Variants in SLC25A46 observed in about 807,000 individuals in gnomAD.
The protein encoded by SLC25A46 is mitochondrial outer membrane protein SLC25A46.
A neutral mutation model predicts 44.6 loss-of-function variants in SLC25A46; 39 were observed. That is an observed-to-expected ratio of 0.87 (90% CI 0.68 to 1.14). The LOEUF (loss-of-function observed/expected upper bound fraction) is 1.14, where lower values mean the gene tolerates loss of function less well. Ranked by LOEUF, SLC25A46 falls within the 50% of genes most tolerant of loss-of-function variation. The probability of loss-of-function intolerance (pLI) is 0.00; values close to 1 mark genes in which losing one functional copy is unlikely to be tolerated. For synonymous variants in SLC25A46, 202 were observed against 185.8 expected (o/e 1.09, Z -0.71); for missense variants, 547 against 522.7 (o/e 1.05, Z -0.45).
chr5:110,761,130 C>T lies in SLC25A46; in HGVS notation c.679-74C>T. On this transcript the variant is annotated intron_variant, in intron 7 of 7. Transcript: ENST00000355943. The surrounding 1 kb of genome is among the most constrained non-coding windows in gnomAD (Gnocchi z 5.3). ...TCACTATGTTAGGATTTAAAAGGAACCTAAAAAGAGTCCTTTTTCTGTGGC... is the reference window on the plus strand; with the variant it reads ...TCACTATGTTAGGATTTAAAAGGAATCTAAAAAGAGTCCTTTTTCTGTGGC... 2 of 1,160,674 alleles carry T rather than the reference C, an allele frequency of 1.7e-6. No individual in the cohort carries two copies. Among genetic ancestry groups the T allele is most frequent in the Non-Finnish European group, 1.2e-6 (1 of 808,926 alleles). The allele number at this position is 1,160,674 out of a possible 1,614,324, so 71.9% of individuals were successfully genotyped here. A position where few individuals can be genotyped will look rare whatever the true frequency, so the allele number is the denominator to read the frequency against.
chr5:110,754,852 C>T (rs559534585), intron 5 of SLC25A46: 2 of 152,306 alleles, frequency 1.3e-5, no homozygotes, highest in South Asian at 2.1e-4. Flanking sequence ...TTATTAATCC[C>T]CTCTGATCCT....
intron 5 of SLC25A46, among the ~76,000 whole-genome samples, chr5:110,749,536 A>G (rs1799908029): frequency 6.6e-6 from 1 of 151,594 alleles, no homozygotes; most frequent in African/African-American, 2.4e-5. Flanking sequence ...TGGGGGAGAT[A>G]ATGAGAGAAA....
intron 5 of SLC25A46, among the ~76,000 whole-genome samples, chr5:110,750,336 T>G (rs965818144): frequency 6.6e-6 from 1 of 152,076 alleles, no homozygotes; most frequent in African/African-American, 2.4e-5. Flanking sequence ...GATCCCAAGT[T>G]AGTACTTATA....
At chr5:110,760,797 G>A (rs1488843831) in intron 7 of SLC25A46, among the ~76,000 whole-genome samples, 1 of 152,110 alleles carries the variant, frequency 6.6e-6, no homozygotes, top group Non-Finnish European at 1.5e-5. Context: ...GCGAAACTGT[G>A]CTTAGGAGAA....
chr5:110,745,409 G>C (rs566052584), intron 3 of SLC25A46, among the ~76,000 whole-genome samples: 26 of 151,854 alleles, frequency 1.7e-4, no homozygotes, highest in Admixed American at 4.6e-4. Context: ...GCCCGCCACC[G>C]TGCCCAGCTA....
chr5:110,764,453 G>A lies in SLC25A46; in HGVS notation c.*2671G>A, dbSNP rs1397156206. 1 of 151,724 alleles carries A rather than the reference G, an allele frequency of 6.6e-6. No homozygotes were observed. Among genetic ancestry groups the A allele is most frequent in the Non-Finnish European group, 1.5e-5 (1 of 67,860 alleles). The allele number at this position is 151,724 out of a possible 1,614,324, so 9.4% of individuals were successfully genotyped here. A position where few individuals can be genotyped will look rare whatever the true frequency, so the allele number is the denominator to read the frequency against. On this transcript the variant is annotated 3_prime_UTR_variant, in exon 8 of 8. Coordinates refer to ENST00000355943, the MANE Select transcript of SLC25A46 (RefSeq NM_138773.4). ...CATAAATATGAAATAGTAAAAACAAGGTCACTTGAAAATGGGTATTTAATA... is the reference window on the plus strand; with the variant it reads ...CATAAATATGAAATAGTAAAAACAAAGTCACTTGAAAATGGGTATTTAATA...
chr5:110,739,237 G>T lies in SLC25A46; in HGVS notation c.118G>T (p.Gly40Cys). The T allele has an allele frequency of 1.9e-6, 3 of 1,580,708 alleles. No homozygotes were observed. Among genetic ancestry groups the T allele is most frequent in the Non-Finnish European group, 2.6e-6 (3 of 1,164,036 alleles). ...GTCCTTCAGCACCGGGTCGGACCTG[G>T]GCCACTGGGTGACGACTCCCCCAGA... ...ARSFSTGSDL[G>C]HWVTTPPDIP... The change falls in exon 1 of 8, where the codon GGC (glycine) becomes TGC (cysteine). Residue 40 changes from glycine to cysteine, a missense_variant. Coordinates refer to ENST00000355943, the MANE Select transcript of SLC25A46 (RefSeq NM_138773.4).
At chr5:110,756,828 G>T in intron 7 of SLC25A46, 69 bp downstream of exon 7, 1 of 1,054,844 alleles carries the variant, frequency 9.5e-7, no homozygotes. Flanking sequence ...GTATATTGTA[G>T]ATATCTAACA....
chr5:110,744,662 T>G (rs244923), intron 3 of SLC25A46, among the ~76,000 whole-genome samples: 3 of 152,134 alleles, frequency 2.0e-5, no homozygotes, highest in Non-Finnish European at 4.4e-5. Flanking sequence ...TTCAAACTTA[T>G]CATTGACAGT....
chr5:110,739,287 C>A lies in SLC25A46; in HGVS notation c.168C>A (p.His56Gln). The change falls in exon 1 of 8, where the codon CAC becomes CAA. Residue 56 changes from histidine (H) to glutamine (Q), a missense_variant. His to Gln is a conservative substitution (Grantham distance 24). Transcript: ENST00000355943. ...ATATCCCCGGCAGCCGCAACCTGCACTGGGGCGAGAAGAGCCCGCCCTACG... is the reference window on the plus strand; with the variant it reads ...ATATCCCCGGCAGCCGCAACCTGCAATGGGGCGAGAAGAGCCCGCCCTACG... ...PPDIPGSRNL[H>Q]WGEKSPPYGV... 1 of 1,575,126 alleles carries A rather than the reference C, an allele frequency of 6.3e-7. No homozygotes were observed. Among genetic ancestry groups the A allele is most frequent in the Non-Finnish European group, 8.6e-7 (1 of 1,160,554 alleles).
rs539229853 is a variant in SLC25A46 at position 110,756,765 on chromosome 5, C to CT, written c.678+14dup. On this transcript the variant is annotated splice_region_variant and intron_variant, in intron 7 of 7. Coordinates refer to ENST00000355943, the MANE Select transcript of SLC25A46 (RefSeq NM_138773.4). Reference sequence around the variant, plus strand: ...GTCTGATTGAAACAGTGCAGGTGAGCTTTTTTTTACTGTCATTTTTTTTTT... The same window carrying CT: ...GTCTGATTGAAACAGTGCAGGTGAGCTTTTTTTTTACTGTCATTTTTTTTTT... 673 of 1,493,758 alleles carry CT rather than the reference C, an allele frequency of 4.5e-4. No individual in the cohort carries two copies. In the African/African-American group the frequency reaches 6.4e-3, roughly 14 times the overall value. The allele number at this position is 1,493,758 out of a possible 1,614,324, so 92.5% of individuals were successfully genotyped here.
chr5:110,755,316 C>A (rs888760364), intron 5 of SLC25A46, 149 bp from the exon 6 acceptor site: 1 of 559,318 alleles, frequency 1.8e-6, no homozygotes, highest in Non-Finnish European at 3.2e-6. Flanking sequence ...ACACTGTGTT[C>A]TAGAAAAGAA....
intron 7 of SLC25A46, among the ~76,000 whole-genome samples, chr5:110,759,026 T>G (rs1297883534): frequency 6.6e-6 from 1 of 152,162 alleles, no homozygotes; most frequent in African/African-American, 2.4e-5. Context: ...TGCTAAACTT[T>G]TAAAAAAAAT....
intron 7 of SLC25A46, among the ~76,000 whole-genome samples, chr5:110,758,239 A>T (rs7736617): frequency 6.6e-6 from 1 of 151,636 alleles, no homozygotes; most frequent in East Asian, 1.9e-4. Context: ...TCTGTTTTTT[A>T]TCCTATACTC....
In SLC25A46 at chr5:110,762,146, A is replaced by G. The variant is rs1028535169; in HGVS notation, c.*364A>G. The G allele has an allele frequency of 9.7e-6, 2 of 206,168 alleles. No individual in the cohort carries two copies. The highest frequency in any genetic ancestry group is 4.7e-5 in the African/African-American group (2 of 42,184). The allele number at this position is 206,168 out of a possible 1,614,324, so 12.8% of individuals were successfully genotyped here. ...TCAATATTTGCCAAACGTTTATTTT[A>G]CCTCCTAGATTGATGTTGGTATAGT... On this transcript the variant is annotated 3_prime_UTR_variant, in exon 8 of 8. Coordinates refer to ENST00000355943, the MANE Select transcript of SLC25A46 (RefSeq NM_138773.4).
chr5:110,749,857 G>A (rs1163401223), intron 5 of SLC25A46, among the ~76,000 whole-genome samples: 2 of 151,976 alleles, frequency 1.3e-5, no homozygotes, highest in Non-Finnish European at 2.9e-5. Context: ...AGGTAATATT[G>A]GAAATTAGAA....
chr5:110,739,530 C>G, intron 1 of SLC25A46, 128 bp downstream of exon 1: 1 of 1,274,526 alleles, frequency 7.8e-7, no homozygotes, highest in South Asian at 1.6e-5. Context: ...GCGCCACACC[C>G]TTTGCCCTCC....
chr5:110,752,936 G>T (rs1480968822), intron 5 of SLC25A46, among the ~76,000 whole-genome samples: 1 of 152,068 alleles, frequency 6.6e-6, no homozygotes, highest in African/African-American at 2.4e-5. Context: ...TCCAACCAAG[G>T]GGTGGCTGGG....
intron 7 of SLC25A46, among the ~76,000 whole-genome samples, chr5:110,757,410 C>CA (rs764288522): frequency 6.6e-6 from 1 of 152,230 alleles, no homozygotes; most frequent in South Asian, 2.1e-4. Context: ...CACCTGTATA[C>CA]AAAATCCAAC....
Sources: gnomAD v4.1 joint callset for allele counts (sites outside exome capture counted in the v4.1 genomes callset) on GRCh38, gnomAD v4.1.1 for gene constraint, Gnocchi (gnomAD v3.1) non-coding constraint, MANE v1.5 for transcripts, NCBI Gene and HGNC (gene_info 2026-07-23, HGNC 2026-07-21) for gene names.